EXOC4: variants seen among roughly 807,000 people sequenced by gnomAD.
EXOC4 encodes exocyst complex component 4.
Under a neutral mutation model 107.2 loss-of-function variants are expected in EXOC4, and 71 were observed. The observed-to-expected ratio is 0.66, with a 90% CI of 0.55 to 0.81. EXOC4 has a LOEUF of 0.81. Among genes scored for constraint, EXOC4 ranks in the 30% least tolerant of loss-of-function variants. The pLI, the probability that EXOC4 is intolerant of heterozygous loss-of-function variation, is 0.00. For synonymous variants in EXOC4, 456 were observed against 441.2 expected, an observed-to-expected ratio of 1.03 and a Z score of -0.42; for missense variants, 1,108 against 1,189.6, an observed-to-expected ratio of 0.93 and a Z score of 1.01.
intron 10 of EXOC4, among the ~76,000 whole-genome samples, chr7:133,783,981 T>C (rs2151176448): frequency 6.6e-6 from 1 of 152,306 alleles, no homozygotes; most frequent in East Asian, 1.9e-4. Flanking sequence ...ATATTCCTCA[T>C]ACCCCCATCC....
the EXOC4 span, among the ~76,000 whole-genome samples, chr7:134,091,999 T>C: frequency 2.6e-5 from 4 of 152,248 alleles, no homozygotes; most frequent in Non-Finnish European, 5.9e-5. Context: ...TTTATATATA[T>C]GCAAATATTC....
chr7:134,008,612 T>C lies in EXOC4; in HGVS notation c.2687+777T>C, dbSNP rs377728928. 2.9e-3 allele frequency among the ~76,000 whole-genome samples: 443 copies of C among 152,230 alleles called. 1 individual carries two copies. The highest frequency in any genetic ancestry group is 5.4e-3 in the Non-Finnish European group (369 of 68,004). On this transcript the variant is annotated intron_variant, in intron 17 of 17. Transcript: ENST00000253861. ...TCACTGGGAGGAAAGTGAGAACTCA[T>C]CACTATCCTTTCTCTTCTCTAAGTT... is the stretch of plus-strand genomic sequence containing the variant.
intron 11 of EXOC4, among the ~76,000 whole-genome samples, chr7:133,867,358 T>G (rs1798661951): frequency 6.6e-6 from 1 of 152,238 alleles, no homozygotes; most frequent in Admixed American, 6.5e-5. Flanking sequence ...CAGTAGTCAG[T>G]ACTCAGTAAA....
chr7:133,688,111 C>G (rs576642894), intron 10 of EXOC4, among the ~76,000 whole-genome samples: 1 of 152,086 alleles, frequency 6.6e-6, no homozygotes, highest in East Asian at 1.9e-4. Flanking sequence ...GATTGAGATA[C>G]TTATAATGCA....
At chr7:133,981,008 A>G (rs1356487328) in intron 14 of EXOC4, among the ~76,000 whole-genome samples, 2 of 152,212 alleles carry the variant, frequency 1.3e-5, no homozygotes, top group African/African-American at 4.8e-5. Flanking sequence ...CTTAACTATT[A>G]TCTTCACCCC....
At chr7:133,409,817 A>G (rs1409081990) in intron 7 of EXOC4, among the ~76,000 whole-genome samples, 3 of 152,212 alleles carry the variant, frequency 2.0e-5, no homozygotes, top group African/African-American at 7.2e-5. Context: ...TTAGCCTTAT[A>G]GGACTAGTAA....
intron 11 of EXOC4, among the ~76,000 whole-genome samples, chr7:133,877,694 A>G (rs1323640361): frequency 1.3e-5 from 2 of 151,540 alleles, no homozygotes; most frequent in Non-Finnish European, 2.9e-5. Flanking sequence ...TTCACACAGA[A>G]CAGTACTTGG....
intron 9 of EXOC4, among the ~76,000 whole-genome samples, chr7:133,528,034 G>A (rs1345052877): frequency 5.3e-5 from 8 of 152,254 alleles, no homozygotes; most frequent in Admixed American, 3.3e-4. Context: ...GATTCATTAG[G>A]TCAAGAGTTG....
intron 6 of EXOC4, among the ~76,000 whole-genome samples, chr7:133,369,173 G>A (rs1431935491): frequency 6.6e-6 from 1 of 152,138 alleles, no homozygotes; most frequent in Admixed American, 6.5e-5. Context: ...ACATATTTCA[G>A]TTTATTTCTG....
At chr7:133,579,686 C>CTTTTTTTTTTTT (rs11368284) in intron 9 of EXOC4, among the ~76,000 whole-genome samples, 5 of 139,800 alleles carry the variant, frequency 3.6e-5, no homozygotes, top group Non-Finnish European at 3.1e-5. Context: ...CACAACTTTA[C>CTTTTTTTTTTTT]TTTTTTTTTT....
At chr7:133,982,757 ACTT>A (rs1352957146) in intron 14 of EXOC4, among the ~76,000 whole-genome samples, 2 of 152,184 alleles carry the variant, frequency 1.3e-5, no homozygotes, top group Non-Finnish European at 2.9e-5. Context: ...GTTACAGAGA[ACTT>A]CTTCCAAATA....
At chr7:133,536,373 C>G (rs1250692747) in intron 9 of EXOC4, among the ~76,000 whole-genome samples, 2 of 152,098 alleles carry the variant, frequency 1.3e-5, no homozygotes, top group Admixed American at 6.6e-5. Flanking sequence ...CCCCGAAGTC[C>G]TAGTAATTCT....
At position 133,957,977 on chromosome 7, in the gene EXOC4, G is replaced by C. The variant is rs1585278160; in HGVS notation, c.2206+19908G>C. On this transcript the variant is annotated intron_variant, in intron 14 of 17. Transcript: ENST00000253861. Reference sequence around the variant, plus strand: ...ATATTATGACTTAGATCATAAACCAGAGCACCAGGTAGAAATCACAGCCAA... The same window carrying C: ...ATATTATGACTTAGATCATAAACCACAGCACCAGGTAGAAATCACAGCCAA... 3.3e-5 allele frequency among the ~76,000 whole-genome samples: 5 copies of C among 152,166 alleles called. No homozygotes were observed. In the South Asian group the frequency reaches 1.0e-3, roughly 32 times the overall value.
chr7:133,440,477 T>A (rs1476080505), intron 7 of EXOC4, among the ~76,000 whole-genome samples: 2 of 152,134 alleles, frequency 1.3e-5, no homozygotes, highest in Admixed American at 1.3e-4. Flanking sequence ...TCAGAGACAT[T>A]TGAACCAGAG....
At chr7:133,725,320 T>A (rs1379961800) in intron 10 of EXOC4, among the ~76,000 whole-genome samples, 9 of 151,998 alleles carry the variant, frequency 5.9e-5, no homozygotes, top group Admixed American at 3.9e-4. Flanking sequence ...TTAGCAAAAA[T>A]TTTTTTTCTT....
At chr7:133,638,874 TA>T (rs962089293) in intron 10 of EXOC4, among the ~76,000 whole-genome samples, 10 of 150,650 alleles carry the variant, frequency 6.6e-5, no homozygotes, top group Admixed American at 1.3e-4. Flanking sequence ...CTTTATCAAT[TA>T]TTTTTTTTTA....
chr7:133,935,860 C>A lies in EXOC4; in HGVS notation c.2028-2031C>A, dbSNP rs146703819. 2.7e-4 allele frequency among the ~76,000 whole-genome samples: 41 copies of A among 152,256 alleles called. 1 individual carries two copies. The highest frequency in any genetic ancestry group is 9.9e-4 in the African/African-American group (41 of 41,534). On this transcript the variant is annotated intron_variant, in intron 13 of 17. Transcript: ENST00000253861. ...GGGGTTTGTTATACTCTTCTTTCTA[C>A]TTTCATAATTATTGAAATTTTCCCA...
In EXOC4 at chr7:133,395,008, C is replaced by T. The variant is rs562730621; in HGVS notation, c.1182+20006C>T. 5.9e-5 allele frequency among the ~76,000 whole-genome samples: 9 copies of T among 151,788 alleles called. No homozygotes were observed. The South Asian group carries it at 1.9e-3, about 31-fold the overall frequency. On this transcript the variant is annotated intron_variant, in intron 7 of 17. Coordinates refer to ENST00000253861, the MANE Select transcript of EXOC4 (RefSeq NM_021807.4). ...GGTAGTAAATTACTTCTGAGAGCCTCAATTTGAAGATCACCAGGTAGTCTA... is the reference window on the plus strand; with the variant it reads ...GGTAGTAAATTACTTCTGAGAGCCTTAATTTGAAGATCACCAGGTAGTCTA...
chr7:133,640,668 C>G (rs539219464), intron 10 of EXOC4, among the ~76,000 whole-genome samples: 9 of 152,154 alleles, frequency 5.9e-5, no homozygotes, highest in Non-Finnish European at 1.2e-4. Context: ...TTTCCTACAG[C>G]TTTGGTAGTA....
Sources: allele counts gnomAD v4.1 joint callset (sites outside exome capture counted in the v4.1 genomes callset), GRCh38; gene constraint gnomAD v4.1.1; transcripts MANE v1.5; gene names NCBI Gene and HGNC (gene_info 2026-07-23, HGNC 2026-07-21).